The following NAV1 variants were observed in gnomAD, a reference collection of about 807,000 sequenced individuals.
NAV1 encodes the protein pore membrane and/or filament interacting like protein 3.
NAV1 carries 18 observed loss-of-function variants against 175.2 expected under a neutral mutation model. That is an observed-to-expected ratio of 0.10 (90% CI 0.07 to 0.15). NAV1 has a LOEUF of 0.15. Among genes scored for constraint, NAV1 ranks in the 10% least tolerant of loss-of-function variants. NAV1 has a pLI of 1.00. For synonymous variants in NAV1, 897 were observed against 978.7 expected (o/e 0.92, Z 1.56); for missense variants, 1,731 against 2,436.6 (o/e 0.71, Z 6.10).
chr1:201,619,369 G>T (rs1323113559), upstream of NAV1, among the ~76,000 whole-genome samples: 1 of 152,164 alleles, frequency 6.6e-6, no homozygotes, highest in African/African-American at 2.4e-5. Context: ...CTTGGTTGGG[G>T]GTGGTTGTTG....
chr1:201,719,037 T>A (rs1672258640), intron 3 of NAV1, among the ~76,000 whole-genome samples: 1 of 151,508 alleles, frequency 6.6e-6, no homozygotes, highest in Admixed American at 6.6e-5. Flanking sequence ...TCTGTCACCC[T>A]CCTCCCTGGC....
At chr1:201,598,564 G>A (rs1221201502) in intron 2 of NAV1, among the ~76,000 whole-genome samples, 1 of 152,190 alleles carries the variant, frequency 6.6e-6, no homozygotes, top group Non-Finnish European at 1.5e-5. Flanking sequence ...GAGAGCAAGG[G>A]CCAAGAAAAC....
At chr1:201,696,534 A>T (rs760482371) in intron 1 of NAV1, among the ~76,000 whole-genome samples, 19 of 152,118 alleles carry the variant, frequency 1.2e-4, no homozygotes, top group Admixed American at 2.0e-4. Flanking sequence ...GATGTCTTGG[A>T]GGTGGAGAAA....
chr1:201,593,641 C>G (rs574246841), intron 2 of NAV1, among the ~76,000 whole-genome samples: 2 of 152,032 alleles, frequency 1.3e-5, no homozygotes, highest in Non-Finnish European at 2.9e-5. Context: ...TGGGCCCGCA[C>G]GATATGTGCA....
intron 1 of NAV1, among the ~76,000 whole-genome samples, chr1:201,655,508 C>T (rs78566457): frequency 0.019 from 2,849 of 152,310 alleles, 84 homozygotes; most frequent in African/African-American, 0.065. Flanking sequence ...CAGGTTCCCT[C>T]CTATAGGAGG....
At chr1:201,728,574 A>T (rs1672710878) in intron 3 of NAV1, among the ~76,000 whole-genome samples, 1 of 150,938 alleles carries the variant, frequency 6.6e-6, no homozygotes, top group Non-Finnish European at 1.5e-5. Context: ...AGCCTGGGCA[A>T]GAAGAGTGAA....
At chr1:201,762,537 G>C (rs239979) in intron 3 of NAV1, among the ~76,000 whole-genome samples, 140,143 of 152,220 alleles carry the variant, frequency 0.92, 65,272 homozygotes, top group Non-Finnish European at 1. Flanking sequence ...AATTTCAGTG[G>C]ACATAAATAA....
At chr1:201,566,952 A>G (rs1027438746) in intron 1 of NAV1, among the ~76,000 whole-genome samples, 1 of 152,166 alleles carries the variant, frequency 6.6e-6, no homozygotes, top group African/African-American at 2.4e-5. Context: ...ATATGTATGT[A>G]CTGTAATTTG....
At chr1:201,629,367 C>G (rs139779918) in intron 1 of NAV1, 37 bp from the exon 4 acceptor site, 2 of 1,277,500 alleles carry the variant, frequency 1.6e-6, no homozygotes, top group Non-Finnish European at 2.1e-6. Flanking sequence ...ACCAGGACAT[C>G]TCTACCATGA....
chr1:201,676,152 G>A (rs746132366), intron 1 of NAV1, among the ~76,000 whole-genome samples: 8 of 152,168 alleles, frequency 5.3e-5, no homozygotes, highest in Non-Finnish European at 1.2e-4. Flanking sequence ...GAGATAGGGT[G>A]TTAATGAATC....
intron 15 of NAV1, among the ~76,000 whole-genome samples, chr1:201,802,438 C>T (rs1677977132): frequency 8.2e-6 from 1 of 121,972 alleles, no homozygotes; most frequent in South Asian, 2.7e-4. Flanking sequence ...CTGGGCAACA[C>T]AGCAAGACCC....
At chr1:201,570,701 G>T (rs772031740) in intron 1 of NAV1, among the ~76,000 whole-genome samples, 1 of 152,224 alleles carries the variant, frequency 6.6e-6, no homozygotes, top group South Asian at 2.1e-4. Flanking sequence ...AGCCCAGCAG[G>T]CAGTCTCCCT....
intron 2 of NAV1, among the ~76,000 whole-genome samples, chr1:201,639,980 T>C (rs1173957251): frequency 2.0e-5 from 3 of 152,176 alleles, no homozygotes; most frequent in Non-Finnish European, 4.4e-5. Flanking sequence ...CAGGCAGCTG[T>C]GAGCTCCAAG....
exon 11 of NAV1, chr1:201,789,754 C>T: frequency 6.2e-7 from 1 of 1,614,158 alleles, no homozygotes; most frequent in Non-Finnish European, 8.5e-7. Flanking sequence ...CGGCTCAGTG[C>T]TGTCCCTGGC....
chr1:201,641,374 C>A, intron 2 of NAV1, among the ~76,000 whole-genome samples: 1 of 152,160 alleles, frequency 6.6e-6, no homozygotes, highest in Non-Finnish European at 1.5e-5. Flanking sequence ...CAAATAGCAG[C>A]CAAAGTGGCC....
rs770830255 is a variant in NAV1, at chr1:201,734,484, AG to A, written c.1226+15731del. Among the ~76,000 whole-genome samples the A allele has an allele frequency of 2.5e-5, 3 of 119,876 alleles. 1 individual carries two copies. Among genetic ancestry groups the A allele is most frequent in the African/African-American group, 9.0e-5 (3 of 33,214 alleles). The allele number at this position is 119,876 out of a possible 152,430, so 78.6% of individuals were successfully genotyped here. On this transcript the variant is annotated intron_variant, in intron 3 of 29. Coordinates refer to ENST00000367296, the Ensembl canonical transcript of NAV1. ...GAGGAGGAGGAAGAGGAGGAGGAGGAGGAAGAAGGAGAAGGAGAAGAAGAAG... is the reference window on the plus strand; with the variant it reads ...GAGGAGGAGGAAGAGGAGGAGGAGGAGAAGAAGGAGAAGGAGAAGAAGAAG...
At chr1:201,766,836 G>A (rs747806534) in intron 3 of NAV1, among the ~76,000 whole-genome samples, 1 of 151,810 alleles carries the variant, frequency 6.6e-6, no homozygotes, top group African/African-American at 2.4e-5. Context: ...TTGGTTTTTT[G>A]TGTTTGAGAT....
chr1:201,598,967 C>T (rs1667439216), intron 2 of NAV1, among the ~76,000 whole-genome samples: 2 of 152,180 alleles, frequency 1.3e-5, no homozygotes, highest in African/African-American at 4.8e-5. Context: ...GGGGCATTGG[C>T]ATCAGGAAGG....
intron 1 of NAV1, among the ~76,000 whole-genome samples, chr1:201,586,389 G>A (rs1667028067): frequency 6.6e-6 from 1 of 152,330 alleles, no homozygotes; most frequent in Middle Eastern, 3.4e-3. Context: ...GGTAGTGACA[G>A]TTGCACAAAA....
Sources: allele counts gnomAD v4.1 joint callset (sites outside exome capture counted in the v4.1 genomes callset), GRCh38; gene constraint gnomAD v4.1.1; transcripts MANE v1.5; gene names NCBI Gene and HGNC (gene_info 2026-07-23, HGNC 2026-07-21).